The following SOX6 variants were observed in gnomAD, a reference collection of about 807,000 sequenced individuals.
SOX6 encodes the protein transcription factor SOX-6.
In SOX6, 11 loss-of-function variants were observed where a neutral mutation model predicts 97.8. That is an observed-to-expected ratio of 0.11 (90% CI 0.07 to 0.19). The LOEUF is 0.19. Among genes scored for constraint, SOX6 ranks in the 10% least tolerant of loss-of-function variants. The pLI, the probability that SOX6 is intolerant of heterozygous loss-of-function variation, is 1.00. For synonymous variants in SOX6, 360 were observed against 371.4 expected, an observed-to-expected ratio of 0.97 and a Z score of 0.35; for missense variants, 810 against 1,039.5, an observed-to-expected ratio of 0.78 and a Z score of 3.04.
At chr11:16,623,027 A>G (rs1848567605) in intron 3 of SOX6, among the ~76,000 whole-genome samples, 1 of 151,138 alleles carries the variant, frequency 6.6e-6, no homozygotes, top group Non-Finnish European at 1.5e-5. Flanking sequence ...AGTGATGTTG[A>G]GCATTTTTTT....
At chr11:16,472,272 A>C (rs1860152438) in intron 1 of SOX6, among the ~76,000 whole-genome samples, 1 of 152,238 alleles carries the variant, frequency 6.6e-6, no homozygotes, top group African/African-American at 2.4e-5. Flanking sequence ...TACTAAAGCG[A>C]ATGACTAAAT....
chr11:16,399,664 C>T (rs1291281273), intron 1 of SOX6, among the ~76,000 whole-genome samples: 1 of 151,368 alleles, frequency 6.6e-6, no homozygotes, highest in Non-Finnish European at 1.5e-5. Flanking sequence ...TGAGTTTGCC[C>T]AGTTCATACT....
chr11:16,052,091 A>G (rs370934459), intron 10 of SOX6, among the ~76,000 whole-genome samples: 1 of 152,016 alleles, frequency 6.6e-6, no homozygotes, highest in Non-Finnish European at 1.5e-5. Context: ...TATCTTCTTG[A>G]ACATATGGAG....
intron 3 of SOX6, chr11:16,314,400 A>G (rs557359552): frequency 6.6e-6 from 1 of 152,104 alleles, no homozygotes; most frequent in Non-Finnish European, 1.5e-5. Context: ...TAATTTTTCT[A>G]TCTAGTAAAT....
intron 5 of SOX6, among the ~76,000 whole-genome samples, chr11:16,184,506 T>A (rs1851420470): frequency 6.6e-6 from 1 of 152,118 alleles, no homozygotes; most frequent in African/African-American, 2.4e-5. Context: ...ATGTACAAAA[T>A]ATTTTTAAAA....
intron 3 of SOX6, among the ~76,000 whole-genome samples, chr11:16,238,547 G>C (rs967038760): frequency 6.6e-6 from 1 of 151,948 alleles, no homozygotes; most frequent in Non-Finnish European, 1.5e-5. Flanking sequence ...TGATATTTTG[G>C]GAACAATTTT....
chr11:16,077,601 A>G (rs1848386008), intron 9 of SOX6, among the ~76,000 whole-genome samples: 1 of 152,238 alleles, frequency 6.6e-6, no homozygotes, highest in South Asian at 2.1e-4. Context: ...TGTGGTACAT[A>G]GACACCATGA....
chr11:16,660,606 T>C (rs1392076958), intron 3 of SOX6, among the ~76,000 whole-genome samples: 1 of 152,212 alleles, frequency 6.6e-6, no homozygotes, highest in Non-Finnish European at 1.5e-5. Context: ...TTGATCTCAA[T>C]GTTGTGTTTC....
At chr11:16,031,874 G>A (rs879662811) in intron 12 of SOX6, among the ~76,000 whole-genome samples, 15 of 152,078 alleles carry the variant, frequency 9.9e-5, no homozygotes, top group Non-Finnish European at 1.9e-4. Context: ...AAGAAGTGTG[G>A]ACCGAGGGCG....
intron 3 of SOX6, among the ~76,000 whole-genome samples, chr11:16,635,175 A>C (rs1397710426): frequency 6.6e-6 from 1 of 152,350 alleles, no homozygotes; most frequent in South Asian, 2.1e-4. Flanking sequence ...ACGTGGAAGC[A>C]ACTTCGAAAC....
At chr11:16,567,720 C>G (rs1385541601) in intron 4 of SOX6, among the ~76,000 whole-genome samples, 4 of 145,152 alleles carry the variant, frequency 2.8e-5, no homozygotes, top group Non-Finnish European at 1.5e-5. Flanking sequence ...GTGCATGCCA[C>G]CACGCCTGGC....
At chr11:16,554,752 C>T (rs550596177) in intron 4 of SOX6, among the ~76,000 whole-genome samples, 23 of 151,864 alleles carry the variant, frequency 1.5e-4, no homozygotes, top group Non-Finnish European at 3.1e-4. Flanking sequence ...TTAAATCTTT[C>T]GAGAAGGAGG....
At chr11:16,509,066 A>G (rs893981474) in intron 4 of SOX6, among the ~76,000 whole-genome samples, 4 of 152,060 alleles carry the variant, frequency 2.6e-5, no homozygotes, top group Non-Finnish European at 5.9e-5. Context: ...CCAGGGAGAG[A>G]ACCTGAGAAC....
At chr11:16,380,650 G>C (rs566238214) in intron 1 of SOX6, among the ~76,000 whole-genome samples, 2 of 152,078 alleles carry the variant, frequency 1.3e-5, no homozygotes, top group South Asian at 4.2e-4. Context: ...ACTTATTGGT[G>C]TATTCTATCC....
chr11:16,701,787 G>C (rs1292942877), intron 3 of SOX6, among the ~76,000 whole-genome samples: 5 of 134,998 alleles, frequency 3.7e-5, no homozygotes, highest in Admixed American at 3.0e-4. Flanking sequence ...GGGGTGGGAG[G>C]GGGGACTGAG....
At chr11:16,450,375 A>G (rs1429006063) in intron 1 of SOX6, among the ~76,000 whole-genome samples, 1 of 152,240 alleles carries the variant, frequency 6.6e-6, no homozygotes, top group Non-Finnish European at 1.5e-5. Flanking sequence ...CATTGTTGAT[A>G]CGTTAACAAC....
intron 4 of SOX6, among the ~76,000 whole-genome samples, chr11:16,530,071 A>G (rs1371750383): frequency 6.6e-6 from 1 of 152,004 alleles, no homozygotes; most frequent in Non-Finnish European, 1.5e-5. Context: ...GACATATAAC[A>G]GAAAAAAAAA....
chr11:16,565,895 G>A (rs867527745), intron 4 of SOX6, among the ~76,000 whole-genome samples: 34 of 152,120 alleles, frequency 2.2e-4, no homozygotes, highest in Middle Eastern at 6.8e-3. Flanking sequence ...AGGAGATCGA[G>A]ACCATCCTGG....
intron 13 of SOX6, among the ~76,000 whole-genome samples, chr11:15,999,882 T>C (rs1854351003): frequency 6.6e-6 from 1 of 152,188 alleles, no homozygotes; most frequent in African/African-American, 2.4e-5. Flanking sequence ...GATAGTCCCT[T>C]ACTTGGGTTA....
Sources: gnomAD v4.1 joint callset for allele counts (sites outside exome capture counted in the v4.1 genomes callset) on GRCh38, gnomAD v4.1.1 for gene constraint, MANE v1.5 for transcripts, NCBI Gene and HGNC (gene_info 2026-07-23, HGNC 2026-07-21) for gene names.